Variants in JAM2 observed in about 807,000 individuals in gnomAD.
The protein encoded by JAM2 is junctional adhesion molecule B.
Under a neutral mutation model 42.0 loss-of-function variants are expected in JAM2, and 17 were observed. That is an observed-to-expected ratio of 0.40 (90% CI 0.28 to 0.61). The LOEUF (loss-of-function observed/expected upper bound fraction) is 0.61, where lower values mean the gene tolerates loss of function less well. JAM2 is among the 20% of genes least tolerant of loss of function. JAM2 has a pLI of 0.37. For synonymous variants in JAM2, 118 were observed against 128.6 expected (o/e 0.92, Z 0.56); for missense variants, 319 against 358.3 (o/e 0.89, Z 0.89).
intron 1 of JAM2, among the ~76,000 whole-genome samples, chr21:25,648,865 C>G (rs1294310916): frequency 6.6e-6 from 1 of 152,136 alleles, no homozygotes; most frequent in African/African-American, 2.4e-5. Flanking sequence ...ATTACATAAG[C>G]TGGAATTTAA....
intron 1 of JAM2, among the ~76,000 whole-genome samples, chr21:25,649,494 A>G (rs530055534): frequency 6.6e-6 from 1 of 152,298 alleles, no homozygotes; most frequent in African/African-American, 2.4e-5. Context: ...TCCATGATTC[A>G]ATTACCTGCC....
chr21:25,687,945 T>G (rs1568907995), intron 2 of JAM2, among the ~76,000 whole-genome samples: 1 of 152,258 alleles, frequency 6.6e-6, no homozygotes, highest in Non-Finnish European at 1.5e-5. Flanking sequence ...TAATTCACTT[T>G]ATTATGTTTC....
At chr21:25,702,657 A>G (rs753254397) in intron 6 of JAM2, among the ~76,000 whole-genome samples, 2 of 152,248 alleles carry the variant, frequency 1.3e-5, no homozygotes, top group Non-Finnish European at 2.9e-5. Context: ...GATATTATTC[A>G]CCAAATTAAT....
intron 1 of JAM2, among the ~76,000 whole-genome samples, chr21:25,670,568 G>T (rs1346771732): frequency 6.6e-6 from 1 of 151,974 alleles, no homozygotes; most frequent in African/African-American, 2.4e-5. Context: ...AGCTCCAAAG[G>T]TCCCACTGAT....
At chr21:25,707,041 A>G (rs918670343) in intron 7 of JAM2, among the ~76,000 whole-genome samples, 8 of 152,176 alleles carry the variant, frequency 5.3e-5, no homozygotes, top group East Asian at 3.9e-4. Context: ...CCCAGACAAG[A>G]TATTTTTAAG....
In JAM2 at chr21:25,715,371, T is replaced by C. The variant is rs1386815245; in HGVS notation, c.*699T>C. On this transcript the variant is annotated 3_prime_UTR_variant, in exon 10 of 10. Coordinates refer to ENST00000480456, the MANE Select transcript of JAM2 (RefSeq NM_021219.4). ...TTAGATGGTCAAACACAAACCCAAG[T>C]GGCTTATTTCACCCCTACTGCTGCT... 1 of 152,240 alleles carries C rather than the reference T, an allele frequency of 6.6e-6. No homozygotes were observed. The highest frequency in any genetic ancestry group is 1.5e-5 in the Non-Finnish European group (1 of 68,048). 9.4% of individuals were successfully genotyped at this position (152,240 alleles called of 1,614,324 possible).
At chr21:25,672,060 G>A (rs548270817) in intron 1 of JAM2, among the ~76,000 whole-genome samples, 3 of 152,108 alleles carry the variant, frequency 2.0e-5, no homozygotes, top group Non-Finnish European at 4.4e-5. Context: ...TTAGTAGATG[G>A]TAGTGATGTA....
intron 1 of JAM2, among the ~76,000 whole-genome samples, chr21:25,642,167 A>G (rs1043995869): frequency 1.3e-5 from 2 of 151,836 alleles, no homozygotes; most frequent in Non-Finnish European, 2.9e-5. Context: ...TCATTTCCAT[A>G]CTAGATTTTT....
At chr21:25,680,800 C>T (rs111933949) in intron 1 of JAM2, among the ~76,000 whole-genome samples, 8 of 150,056 alleles carry the variant, frequency 5.3e-5, no homozygotes, top group Admixed American at 2.7e-4. Context: ...GGATGACGAT[C>T]GATGGATGGA....
intron 1 of JAM2, among the ~76,000 whole-genome samples, chr21:25,662,738 T>C (rs904927685): frequency 1.3e-5 from 2 of 152,170 alleles, no homozygotes; most frequent in Non-Finnish European, 2.9e-5. Flanking sequence ...TATGTAAATA[T>C]AGCTTATACT....
chr21:25,698,293 G>A (rs535686118), intron 4 of JAM2, among the ~76,000 whole-genome samples: 47 of 152,270 alleles, frequency 3.1e-4, no homozygotes, highest in Non-Finnish European at 5.1e-4. Context: ...AATATATGAC[G>A]TTCCAAGGTC....
At chr21:25,671,846 C>A (rs187977035) in intron 1 of JAM2, among the ~76,000 whole-genome samples, 2 of 152,266 alleles carry the variant, frequency 1.3e-5, no homozygotes, top group Admixed American at 1.3e-4. Flanking sequence ...GCTAAGATAA[C>A]CTCATTTGCA....
chr21:25,688,766 C>A (rs1261416287), intron 2 of JAM2, among the ~76,000 whole-genome samples: 2 of 152,056 alleles, frequency 1.3e-5, no homozygotes, highest in African/African-American at 4.8e-5. Flanking sequence ...ACTAAATATT[C>A]TGCATTCTTT....
intron 1 of JAM2, among the ~76,000 whole-genome samples, chr21:25,678,509 T>A (rs2033551908): frequency 6.6e-6 from 1 of 152,196 alleles, no homozygotes; most frequent in Non-Finnish European, 1.5e-5. Flanking sequence ...TTAAAAAGAT[T>A]GCATGGACCC....
At chr21:25,660,516 G>A (rs752296439) in intron 1 of JAM2, among the ~76,000 whole-genome samples, 1 of 151,726 alleles carries the variant, frequency 6.6e-6, no homozygotes, top group Admixed American at 6.6e-5. Flanking sequence ...GCTGAGCAGG[G>A]ACCAGGCCTC....
intron 6 of JAM2, among the ~76,000 whole-genome samples, chr21:25,703,405 C>G (rs2034208618): frequency 6.6e-6 from 1 of 152,184 alleles, no homozygotes; most frequent in African/African-American, 2.4e-5. Flanking sequence ...CATATCTACT[C>G]TAAGTACAAG....
At chr21:25,712,035 ATATAT>A (rs889208482) in intron 8 of JAM2, 17 of 254,676 alleles carry the variant, frequency 6.7e-5, no homozygotes, top group Admixed American at 3.1e-4. Context: ...TTAAATGTTA[ATATAT>A]TAAATTAAAA....
intron 6 of JAM2, among the ~76,000 whole-genome samples, chr21:25,702,846 G>GTTTTGT (rs1053807466): frequency 6.6e-6 from 1 of 151,746 alleles, no homozygotes; most frequent in African/African-American, 2.4e-5. Flanking sequence ...TTTTGTTGTT[G>GTTTTGT]TTTTGTTTTT....
At chr21:25,695,581 C>G (rs1473215255) in intron 4 of JAM2, among the ~76,000 whole-genome samples, 3 of 146,850 alleles carry the variant, frequency 2.0e-5, no homozygotes, top group Admixed American at 2.0e-4. Context: ...ACCTCCCGGA[C>G]GGGGCGGCGG....
Sources: gnomAD v4.1 joint callset for allele counts (sites outside exome capture counted in the v4.1 genomes callset) on GRCh38, gnomAD v4.1.1 for gene constraint, MANE v1.5 for transcripts, NCBI Gene and HGNC (gene_info 2026-07-23, HGNC 2026-07-21) for gene names.